Variants in RBFOX1 observed in about 807,000 individuals in gnomAD.
RBFOX1 encodes RNA binding protein fox-1 homolog 1.
A neutral mutation model predicts 57.7 loss-of-function variants in RBFOX1; 8 were observed. The observed-to-expected ratio is 0.14, with a 90% CI of 0.08 to 0.25. The LOEUF is 0.25. Among genes scored for constraint, RBFOX1 ranks in the 10% least tolerant of loss-of-function variants. RBFOX1 has a pLI of 1.00. For missense variants in RBFOX1, 611 were observed against 548.5 expected, an observed-to-expected ratio of 1.11 and a Z score of -1.14; for synonymous variants, 326 against 222.4, an observed-to-expected ratio of 1.47 and a Z score of -4.15.
intron 4 of RBFOX1, among the ~76,000 whole-genome samples, chr16:7,439,988 G>C (rs985088637): frequency 2.5e-5 from 3 of 119,892 alleles, no homozygotes; most frequent in African/African-American, 9.5e-5. Flanking sequence ...GTCTCATTCT[G>C]TCACTCAGGC....
chr16:6,150,158 C>G (rs1415742966), intron 1 of RBFOX1, among the ~76,000 whole-genome samples: 1 of 152,134 alleles, frequency 6.6e-6, no homozygotes, highest in Admixed American at 6.5e-5. Context: ...ACAGCTGAGG[C>G]TGCTGGAGGT....
chr16:5,751,398 C>G (rs370328989), intron 3 of RBFOX1, among the ~76,000 whole-genome samples: 1 of 152,186 alleles, frequency 6.6e-6, no homozygotes, highest in Non-Finnish European at 1.5e-5. Flanking sequence ...CTCTTGACAT[C>G]TCTGTGAAGC....
intron 4 of RBFOX1, among the ~76,000 whole-genome samples, chr16:5,996,808 TGCTAGTGCTCTCCATCA>T (rs1455416826): frequency 1.3e-5 from 2 of 152,178 alleles, no homozygotes; most frequent in African/African-American, 4.8e-5. Context: ...TCTCCATCTC[TGCTAGTGCTCTCCATCA>T]GCCAAACCCT....
chr16:6,654,910 C>T (rs978641595), intron 3 of RBFOX1, among the ~76,000 whole-genome samples: 1 of 151,980 alleles, frequency 6.6e-6, no homozygotes. Flanking sequence ...CAGTCATACC[C>T]TTCTTTTCAG....
intron 1 of RBFOX1, among the ~76,000 whole-genome samples, chr16:5,466,354 G>A (rs3859162): frequency 0.13 from 20,279 of 152,048 alleles, 1,457 homozygotes; most frequent in Middle Eastern, 0.24. Flanking sequence ...GCATGTGTGG[G>A]GTTTGATCTC....
At chr16:5,467,524 C>G (rs2068991139) in intron 2 of RBFOX1, among the ~76,000 whole-genome samples, 1 of 152,110 alleles carries the variant, frequency 6.6e-6, no homozygotes, top group Admixed American at 6.5e-5. Flanking sequence ...GGCAGTTAAA[C>G]AGCTTCTTAT....
intron 3 of RBFOX1, among the ~76,000 whole-genome samples, chr16:6,849,632 G>A (rs1415061704): frequency 6.6e-6 from 1 of 152,118 alleles, no homozygotes; most frequent in East Asian, 1.9e-4. Flanking sequence ...TTGTACCACT[G>A]TACTGCAGCC....
chr16:7,423,763 C>G (rs1464419557), intron 4 of RBFOX1, among the ~76,000 whole-genome samples: 2 of 152,256 alleles, frequency 1.3e-5, no homozygotes, highest in South Asian at 2.1e-4. Context: ...TTCTGTGTCT[C>G]TCCTCACCTG....
chr16:6,084,499 C>A (rs763242193), intron 1 of RBFOX1, among the ~76,000 whole-genome samples: 1 of 152,166 alleles, frequency 6.6e-6, no homozygotes, highest in African/African-American at 2.4e-5. Context: ...CAGCCTCTGC[C>A]TCCCAAAATG....
intron 1 of RBFOX1, among the ~76,000 whole-genome samples, chr16:5,332,631 CGT>C (rs58412139): frequency 0.06 from 9,070 of 150,912 alleles, 471 homozygotes; most frequent in East Asian, 0.15. Flanking sequence ...AATTACATAT[CGT>C]ATATTTATAT....
intron 4 of RBFOX1, among the ~76,000 whole-genome samples, chr16:7,129,061 C>T (rs528672383): frequency 2.0e-5 from 3 of 151,986 alleles, no homozygotes; most frequent in African/African-American, 2.4e-5. Flanking sequence ...CCTCGTGATC[C>T]GCCCACCTCA....
chr16:5,903,154 G>A (rs2058350212), intron 4 of RBFOX1, among the ~76,000 whole-genome samples: 1 of 152,092 alleles, frequency 6.6e-6, no homozygotes, highest in South Asian at 2.1e-4. Flanking sequence ...ATGCATGTCT[G>A]TATGGGAAAT....
chr16:6,969,450 G>C (rs1364776461), intron 3 of RBFOX1, among the ~76,000 whole-genome samples: 4 of 151,910 alleles, frequency 2.6e-5, no homozygotes, highest in African/African-American at 7.3e-5. Context: ...ATTCAAATAA[G>C]GTGGCCGGGT....
At chr16:7,597,745 A>G (rs1420655840) in intron 9 of RBFOX1, among the ~76,000 whole-genome samples, 1 of 152,202 alleles carries the variant, frequency 6.6e-6, no homozygotes, top group East Asian at 1.9e-4. Flanking sequence ...TGAGGGGAGA[A>G]TTGGAGGTTT....
intron 4 of RBFOX1, among the ~76,000 whole-genome samples, chr16:7,121,769 A>G (rs766605061): frequency 1.5e-4 from 23 of 152,044 alleles, no homozygotes; most frequent in Non-Finnish European, 2.9e-4. Context: ...AGGTGAATAT[A>G]TCTAATTTAT....
At chr16:6,971,106 C>G (rs1013395193) in intron 3 of RBFOX1, among the ~76,000 whole-genome samples, 2 of 152,196 alleles carry the variant, frequency 1.3e-5, no homozygotes, top group Non-Finnish European at 1.5e-5. Context: ...TAGTTATAAT[C>G]TAGCGGAGGA....
At chr16:6,532,596 C>T (rs1323348302) in intron 2 of RBFOX1, among the ~76,000 whole-genome samples, 1 of 152,154 alleles carries the variant, frequency 6.6e-6, no homozygotes, top group African/African-American at 2.4e-5. Context: ...TCCTGCAGAG[C>T]GGTAGTCCAG....
intron 1 of RBFOX1, among the ~76,000 whole-genome samples, chr16:5,436,989 A>G (rs1364772655): frequency 6.6e-6 from 1 of 152,206 alleles, no homozygotes; most frequent in Non-Finnish European, 1.5e-5. Flanking sequence ...CATGACTGGC[A>G]GAAAGGGCTG....
At chr16:6,057,076 G>A in intron 1 of RBFOX1, 1 of 136,882 alleles carries the variant, frequency 7.3e-6, no homozygotes, top group South Asian at 2.3e-4. Context: ...GGAGAACACA[G>A]GAGGGGGGGG....
Sources: allele counts gnomAD v4.1 joint callset (sites outside exome capture counted in the v4.1 genomes callset), GRCh38; gene constraint gnomAD v4.1.1; transcripts MANE v1.5; gene names NCBI Gene and HGNC (gene_info 2026-07-23, HGNC 2026-07-21).